Variants in TYW3 observed in about 807,000 individuals in gnomAD.
The protein encoded by TYW3 is tRNA wybutosine-synthesizing protein 3 homolog.
Under a neutral mutation model 23.1 loss-of-function variants are expected in TYW3, and 26 were observed. The ratio of observed to expected loss-of-function variants is 1.13; its 90% CI spans 0.83 to 1.56. TYW3 has a LOEUF of 1.56. TYW3 is among the 40% of genes most tolerant of loss of function. TYW3 has a pLI of 0.00. For missense variants in TYW3, 316 were observed against 311.9 expected, an observed-to-expected ratio of 1.01 and a Z score of -0.10; for synonymous variants, 102 against 105.7, an observed-to-expected ratio of 0.97 and a Z score of 0.21.
At chr1:74,746,549 C>A (rs1648572466) in intron 3 of TYW3, among the ~76,000 whole-genome samples, 2 of 152,330 alleles carry the variant, frequency 1.3e-5, no homozygotes, top group South Asian at 4.1e-4. Flanking sequence ...TTGAAGTGGA[C>A]TTAGAGGAAC....
chr1:74,758,224 C>T (rs1262915196), intron 5 of TYW3, among the ~76,000 whole-genome samples: 1 of 152,202 alleles, frequency 6.6e-6, no homozygotes, highest in Non-Finnish European at 1.5e-5. Context: ...TGGCCCATGG[C>T]TTCAACTAGT....
At position 74,754,602 on chromosome 1, in the gene TYW3, A is replaced by G. The variant is rs557313492; in HGVS notation, c.560+2177A>G. Among the ~76,000 whole-genome samples the G allele has an allele frequency of 2.0e-5, 3 of 152,304 alleles. No individual in the cohort carries two copies. In the East Asian group the frequency reaches 5.8e-4, roughly 29 times the overall value. On this transcript the variant is annotated intron_variant, in intron 5 of 5. Coordinates refer to ENST00000370867, the MANE Select transcript of TYW3 (RefSeq NM_138467.3). ...ACTAAGATTGGTTTGCCATAGGACC[A>G]AAGTTTCACAATTCAGAGAATTTCA...
intron 1 of TYW3, 116 bp downstream of exon 1, chr1:74,733,534 G>A (rs1225664747): frequency 1.4e-6 from 2 of 1,454,248 alleles, no homozygotes; most frequent in Non-Finnish European, 1.8e-6. Context: ...TCTGAGGGGT[G>A]GTCTCTGTTT....
chr1:74,758,462 T>G (rs925004730), intron 5 of TYW3, among the ~76,000 whole-genome samples: 3 of 151,484 alleles, frequency 2.0e-5, no homozygotes, highest in Non-Finnish European at 4.4e-5. Context: ...TACCAGCCAT[T>G]TTCATGGTTC....
intron 3 of TYW3, among the ~76,000 whole-genome samples, chr1:74,742,026 A>G (rs1330561291): frequency 6.6e-6 from 1 of 152,228 alleles, no homozygotes; most frequent in African/African-American, 2.4e-5. Context: ...TATTTCATAA[A>G]TTAGGACTTT....
intron 1 of TYW3, chr1:74,736,285 TGCAAAA>T: frequency 3.6e-6 from 1 of 280,208 alleles, no homozygotes. Context: ...CTTTTTTTCT[TGCAAAA>T]TCATGACCAT....
In TYW3 at chr1:74,763,971, A is replaced by G; in HGVS notation, c.638A>G (p.Asn213Ser). Residue 213 changes from asparagine to serine, a missense_variant, in exon 6 of 6, where the codon AAC becomes AGC. By Grantham distance (46) the Asn-to-Ser change is conservative (BLOSUM62 1). Transcript: ENST00000370867. ...CATCCCAAGATCAAAGAGAAAAATA[A>G]CTCATCATATATTCATAAGAAAAAA... ...NLHPKIKEKN[N>S]SSYIHKKKRN... 1 of 1,610,350 alleles carries G rather than the reference A, an allele frequency of 6.2e-7. No homozygotes were observed. Among genetic ancestry groups the G allele is most frequent in the South Asian group, 1.1e-5 (1 of 89,854 alleles).
At chr1:74,735,117 T>C (rs1276702556) in intron 1 of TYW3, among the ~76,000 whole-genome samples, 1 of 152,216 alleles carries the variant, frequency 6.6e-6, no homozygotes, top group Admixed American at 6.5e-5. Context: ...ACTTAACTAT[T>C]CTTCTCCAAA....
At chr1:74,762,725 A>T (rs1286426896) in intron 5 of TYW3, among the ~76,000 whole-genome samples, 1 of 152,148 alleles carries the variant, frequency 6.6e-6, no homozygotes, top group Non-Finnish European at 1.5e-5. Flanking sequence ...AAATGTGAAA[A>T]ATCAAGACTG....
chr1:74,756,242 C>T (rs960157548), intron 5 of TYW3, among the ~76,000 whole-genome samples: 10 of 152,280 alleles, frequency 6.6e-5, no homozygotes, highest in South Asian at 4.1e-4. Flanking sequence ...AATGTGGAAG[C>T]GACTTTGGAA....
chr1:74,734,509 A>G (rs1648065792), intron 1 of TYW3, among the ~76,000 whole-genome samples: 1 of 152,226 alleles, frequency 6.6e-6, no homozygotes, highest in East Asian at 1.9e-4. Flanking sequence ...GACTTAAGGA[A>G]AGAAAAAACA....
chr1:74,744,912 G>A (rs1648503329), intron 3 of TYW3, among the ~76,000 whole-genome samples: 1 of 151,852 alleles, frequency 6.6e-6, no homozygotes, highest in Non-Finnish European at 1.5e-5. Context: ...AGAGTTGTTT[G>A]TTCATCCCGG....
chr1:74,752,494 C>CTA, intron 5 of TYW3, 69 bp downstream of exon 5: 1 of 1,391,028 alleles, frequency 7.2e-7, no homozygotes, highest in Non-Finnish European at 9.8e-7. Context: ...TTAATACTTA[C>CTA]TATCTTCAGT....
chr1:74,758,832 C>T (rs926515975), intron 5 of TYW3, among the ~76,000 whole-genome samples: 8 of 152,326 alleles, frequency 5.3e-5, no homozygotes, highest in African/African-American at 1.9e-4. Context: ...CACCAGCCCC[C>T]AACCTTACAC....
At chr1:74,756,631 AG>A (rs1648965137) in intron 5 of TYW3, among the ~76,000 whole-genome samples, 1 of 152,242 alleles carries the variant, frequency 6.6e-6, no homozygotes, top group Non-Finnish European at 1.5e-5. Context: ...AGAGCATAAA[AG>A]TTTTGAAAAC....
At chr1:74,735,881 T>C (rs1406213543) in intron 1 of TYW3, among the ~76,000 whole-genome samples, 2 of 152,346 alleles carry the variant, frequency 1.3e-5, no homozygotes, top group East Asian at 3.9e-4. Flanking sequence ...TGTGGTTTCC[T>C]GCATCCCCTT....
At chr1:74,736,478 C>A in intron 1 of TYW3, 64 bp from the exon 2 acceptor site, 1 of 1,162,396 alleles carries the variant, frequency 8.6e-7, no homozygotes, top group Non-Finnish European at 1.2e-6. Context: ...ATATACTATG[C>A]ATTATGCTTA....
At chr1:74,744,687 T>G (rs560395307) in intron 3 of TYW3, among the ~76,000 whole-genome samples, 1 of 152,192 alleles carries the variant, frequency 6.6e-6, no homozygotes. Context: ...TTCCTTCCGA[T>G]GGGTTCTTGG....
At position 74,763,902 on chromosome 1, in the gene TYW3, A is replaced by G. The variant is rs1281480190; in HGVS notation, c.569A>G (p.Asn190Ser). ...ENKKRIERFY[N>S]CLQHALERET... ...TACTTATTTCTTCACAGGTTTTACAACTGCCTACAGCATGCTTTGGAAAGG... is the reference window on the plus strand; with the variant it reads ...TACTTATTTCTTCACAGGTTTTACAGCTGCCTACAGCATGCTTTGGAAAGG... The change falls in exon 6 of 6, where the codon AAC becomes AGC. Residue 190 changes from asparagine (N) to serine (S), a missense_variant. Coordinates refer to ENST00000370867, the MANE Select transcript of TYW3 (RefSeq NM_138467.3). The G allele has an allele frequency of 3.8e-6, 6 of 1,592,722 alleles. No individual in the cohort carries two copies. Among genetic ancestry groups the G allele is most frequent in the Non-Finnish European group, 5.1e-6 (6 of 1,174,672 alleles).
Sources: gnomAD v4.1 joint callset for allele counts (sites outside exome capture counted in the v4.1 genomes callset) on GRCh38, gnomAD v4.1.1 for gene constraint, MANE v1.5 for transcripts, NCBI Gene and HGNC (gene_info 2026-07-23, HGNC 2026-07-21) for gene names.